The following RAPGEF3 variants were observed in gnomAD, a reference collection of about 807,000 sequenced individuals.
RAPGEF3 encodes the protein 9330170P05Rik.
RAPGEF3 carries 103 observed loss-of-function variants against 129.8 expected under a neutral mutation model. That is an observed-to-expected ratio of 0.79 (90% CI 0.68 to 0.93). The LOEUF (loss-of-function observed/expected upper bound fraction) is 0.93. Ranked by LOEUF, RAPGEF3 falls within the 40% of genes least tolerant of loss-of-function variation. RAPGEF3 has a pLI of 0.00. For missense variants in RAPGEF3, 1,117 were observed against 1,207.4 expected, an observed-to-expected ratio of 0.93 and a Z score of 1.11; for synonymous variants, 436 against 482.6, an observed-to-expected ratio of 0.90 and a Z score of 1.26.
rs1219369490 is a variant in RAPGEF3, at chr12:47,736,226, T to C, written c.*1341A>G. 1 of 152,284 alleles carries C rather than the reference T, an allele frequency of 6.6e-6. No homozygotes were observed. Among genetic ancestry groups the C allele is most frequent in the Non-Finnish European group, 1.5e-5 (1 of 68,076 alleles). 9.4% of individuals were successfully genotyped at this position (152,284 alleles called of 1,614,324 possible). A position where few individuals can be genotyped will look rare whatever the true frequency, so the allele number is the denominator to read the frequency against. The stretch of plus-strand genomic sequence containing the variant: ...AAGCCCAGCTGTGCTGCCTCCCTGC[T>C]AAAGGCTCTGACCCTTTCTGGAAGC... On this transcript the variant is annotated 3_prime_UTR_variant, in exon 28 of 28. Transcript: ENST00000449771.
chr12:47,737,278 C>A lies in RAPGEF3; in HGVS notation c.*289G>T. ...ATCTGGTGTGGAGACCTCTCTATTG[C>A]ACACAACGTCCCAGCGCACTCCACT... On this transcript the variant is annotated 3_prime_UTR_variant, in exon 28 of 28. Coordinates refer to ENST00000449771, the MANE Select transcript of RAPGEF3 (RefSeq NM_001098531.4). 2.3e-6 allele frequency: 1 copy of A among 431,558 alleles called. No individual in the cohort carries two copies. The highest frequency in any genetic ancestry group is 4.3e-6 in the Non-Finnish European group (1 of 233,910). 26.7% of individuals were successfully genotyped at this position (431,558 alleles called of 1,614,324 possible). A position where few individuals can be genotyped will look rare whatever the true frequency, so the allele number is the denominator to read the frequency against.
At chr12:47,747,951 G>A (rs1941519402) in intron 13 of RAPGEF3, 89 bp from the exon 14 acceptor site, 1 of 1,584,684 alleles carries the variant, frequency 6.3e-7, no homozygotes, top group Non-Finnish European at 8.6e-7. Flanking sequence ...CCCCTGGCAA[G>A]CTGGGCCTGG....
chr12:47,743,469 G>A, intron 18 of RAPGEF3, 61 bp downstream of exon 18: 1 of 1,548,562 alleles, frequency 6.5e-7, no homozygotes, highest in South Asian at 1.2e-5. Context: ...TTGACTGGGG[G>A]ACCTGGGCGC....
At chr12:47,757,419 C>T (rs1474595663) in intron 2 of RAPGEF3, among the ~76,000 whole-genome samples, 2 of 152,114 alleles carry the variant, frequency 1.3e-5, no homozygotes, top group South Asian at 4.1e-4. Flanking sequence ...CACCCTAAGA[C>T]CAAAACGCAG....
At chr12:47,754,634 A>G (rs1941947487) in intron 2 of RAPGEF3, among the ~76,000 whole-genome samples, 1 of 152,214 alleles carries the variant, frequency 6.6e-6, no homozygotes, top group South Asian at 2.1e-4. Flanking sequence ...AGTTAATAAT[A>G]TAAAGTACTT....
chr12:47,746,455 C>T (rs1466607333), intron 16 of RAPGEF3: 2 of 559,200 alleles, frequency 3.6e-6, no homozygotes, highest in African/African-American at 2.0e-5. Context: ...TGAGAATGGC[C>T]TGGGGCCCCC....
rs1292129395 is a variant in RAPGEF3, at chr12:47,751,181, G to A, written c.538C>T (p.Gln180Ter). 2 of 1,553,480 alleles carry A rather than the reference G, an allele frequency of 1.3e-6. No homozygotes were observed. Among genetic ancestry groups the A allele is most frequent in the Admixed American group, 2.0e-5 (1 of 51,088 alleles). The change falls in exon 6 of 28, where the codon CAA becomes TAA. Residue 180 changes from glutamine (Q) to a stop codon, truncating the protein, a stop_gained. Coordinates refer to ENST00000449771, the MANE Select transcript of RAPGEF3 (RefSeq NM_001098531.4). LOFTEE classifies it high-confidence loss of function. ...HDWAFQDRDA[Q>*]FYRFPGPEPE... ...TCGGGCCCGGGGAACCGGTAGAATT[G>A]GGCATCTCGGTCCTGGAAGGCCCAG...
At position 47,751,220 on chromosome 12, in the gene RAPGEF3, G is replaced by T. The variant is rs1941722878; in HGVS notation, c.503-4C>A. 2 of 1,549,102 alleles carry T rather than the reference G, an allele frequency of 1.3e-6. No homozygotes were observed. The highest frequency in any genetic ancestry group is 4.9e-5 in the East Asian group (2 of 40,988). ...TGGAAGGCCCAGTCGTGTTTCACTG[G>T]GGGGCAGAGGCCCAGGCGTGGGGGA... On this transcript the variant is annotated splice_polypyrimidine_tract_variant and splice_region_variant and intron_variant, in intron 5 of 27. Coordinates refer to ENST00000449771, the MANE Select transcript of RAPGEF3 (RefSeq NM_001098531.4).
Position 47,751,844 on chromosome 12 carries a change from G to A in RAPGEF3, c.274-15C>T, listed in dbSNP as rs968344137. 2 of 1,614,138 alleles carry A rather than the reference G, an allele frequency of 1.2e-6. No individual in the cohort carries two copies. The highest frequency in any genetic ancestry group is 1.7e-6 in the Non-Finnish European group (2 of 1,179,978). ...TCTGTGGAGGCCTTAGAGGGAGGAA[G>A]GGCACAGCAGTTCAGGCTCTGAACC... On this transcript the variant is annotated splice_polypyrimidine_tract_variant and intron_variant, in intron 3 of 27. Coordinates refer to ENST00000449771, the MANE Select transcript of RAPGEF3 (RefSeq NM_001098531.4).
intron 2 of RAPGEF3, among the ~76,000 whole-genome samples, chr12:47,755,178 G>A (rs910883017): frequency 8.5e-5 from 13 of 152,142 alleles, no homozygotes; most frequent in African/African-American, 3.1e-4. Context: ...AGATTGCCTG[G>A]GACCAAAGCC....
chr12:47,743,862 G>A, intron 17 of RAPGEF3, 125 bp downstream of exon 17: 1 of 1,346,526 alleles, frequency 7.4e-7, no homozygotes, highest in South Asian at 1.2e-5. Flanking sequence ...CACAGACCCT[G>A]AGGAGTACAG....
At chr12:47,738,637 G>T in intron 25 of RAPGEF3, 53 bp downstream of exon 25, 1 of 1,478,816 alleles carries the variant, frequency 6.8e-7, no homozygotes, top group Non-Finnish European at 9.5e-7. Flanking sequence ...CCAGGCCACA[G>T]TCATGTCCTC....
chr12:47,757,797 A>G, intron 2 of RAPGEF3, 69 bp downstream of exon 2: 1 of 1,417,804 alleles, frequency 7.1e-7, no homozygotes, highest in Non-Finnish European at 9.6e-7. Context: ...CAGCATGCCA[A>G]GCCATGATCT....
intron 2 of RAPGEF3, 55 bp downstream of exon 2, chr12:47,757,811 C>G: frequency 6.8e-7 from 1 of 1,474,670 alleles, no homozygotes; most frequent in Non-Finnish European, 9.2e-7. Context: ...ATGATCTAGG[C>G]CCCCCTCTAG....
At position 47,758,790 on chromosome 12, in the gene RAPGEF3, C is replaced by T; in HGVS notation, c.-234G>A. ...GTGGGGGCGTGGTGGGGGGACGCCA[C>T]CCAGCCACCGGCGACAGGGAGCCCC... On this transcript the variant is annotated 5_prime_UTR_variant, in exon 1 of 28. The change creates a new upstream start codon in the 5' untranslated region. Transcript: ENST00000449771. 1.6e-6 allele frequency: 2 copies of T among 1,230,268 alleles called. No individual in the cohort carries two copies. Among genetic ancestry groups the T allele is most frequent in the Non-Finnish European group, 2.0e-6 (2 of 984,594 alleles). The allele number at this position is 1,230,268 out of a possible 1,614,324, so 76.2% of individuals were successfully genotyped here. A position where few individuals can be genotyped will look rare whatever the true frequency, so the allele number is the denominator to read the frequency against.
At chr12:47,738,610 C>G in intron 25 of RAPGEF3, 80 bp downstream of exon 25, 1 of 1,280,246 alleles carries the variant, frequency 7.8e-7, no homozygotes, top group Non-Finnish European at 1.1e-6. Context: ...TAAGCTGCCT[C>G]CAAGCCCTGC....
chr12:47,751,495 C>A lies in RAPGEF3; in HGVS notation c.406G>T (p.Val136Leu). The A allele has an allele frequency of 6.2e-7, 1 of 1,614,238 alleles. No individual in the cohort carries two copies. Among genetic ancestry groups the A allele is most frequent in the Non-Finnish European group, 8.5e-7 (1 of 1,180,038 alleles). Reference protein sequence around the residue: ...YRQCCSGRELVDGILALGLGV... With the variant: ...YRQCCSGRELLDGILALGLGV... ...AGTCCCAGGGCCAAGATCCCATCCACCAGCTCCCGGCCAGAGCAGCACTGC... is the reference window on the plus strand; with the variant it reads ...AGTCCCAGGGCCAAGATCCCATCCAACAGCTCCCGGCCAGAGCAGCACTGC... The change falls in exon 5 of 28, where the codon GTG (valine) becomes TTG (leucine). Residue 136 changes from valine to leucine, a missense_variant. Physicochemically the swap from Val to Leu is conservative, Grantham distance 32. Coordinates refer to ENST00000449771, the MANE Select transcript of RAPGEF3 (RefSeq NM_001098531.4).
chr12:47,746,566 T>A (rs562153579), intron 16 of RAPGEF3: 17 of 675,782 alleles, frequency 2.5e-5, no homozygotes, highest in Non-Finnish European at 4.6e-5. Flanking sequence ...CCACCATTCC[T>A]CATCTCCCAG....
At chr12:47,752,034 C>T (rs1376097672) in intron 2 of RAPGEF3, 65 bp from the exon 3 acceptor site, 6 of 1,545,772 alleles carry the variant, frequency 3.9e-6, no homozygotes, top group South Asian at 1.1e-5. Flanking sequence ...TTGGATACCT[C>T]CCCTCCCCCA....
Sources: allele counts gnomAD v4.1 joint callset (sites outside exome capture counted in the v4.1 genomes callset), GRCh38; gene constraint gnomAD v4.1.1; transcripts MANE v1.5; gene names NCBI Gene and HGNC (gene_info 2026-07-23, HGNC 2026-07-21).